Variants in NHS observed in about 807,000 individuals in gnomAD.
NHS encodes NHS actin remodeling regulator.
NHS carries 5 observed loss-of-function variants against 72.5 expected under a neutral mutation model. The observed-to-expected ratio is 0.07, with a 90% CI of 0.04 to 0.14. The LOEUF (loss-of-function observed/expected upper bound fraction) is 0.14. NHS is among the 10% of genes least tolerant of loss of function. The probability of loss-of-function intolerance (pLI) is 1.00; values close to 1 mark genes in which losing one functional copy is unlikely to be tolerated. For missense variants in NHS, 1,072 were observed against 1,355.7 expected (o/e 0.79, Z 3.29); for synonymous variants, 464 against 547.7 (o/e 0.85, Z 2.13).
intron 1 of NHS, among the ~76,000 whole-genome samples, chrX:17,492,067 T>A (rs2064994427): frequency 9.0e-6 from 1 of 111,209 alleles, no homozygotes; most frequent in Admixed American, 9.6e-5. Context: ...ATTTTGTTGA[T>A]CTTTTTAAAA....
intron 1 of NHS, among the ~76,000 whole-genome samples, chrX:17,603,882 A>G (rs16980654): frequency 0.036 from 3,960 of 110,462 alleles, 142 homozygotes; most frequent in African/African-American, 0.092. Context: ...GATTTCAATT[A>G]CCTCTCATAG....
At chrX:17,426,445 A>T (rs1171764668) in intron 1 of NHS, among the ~76,000 whole-genome samples, 1 of 111,961 alleles carries the variant, frequency 8.9e-6, no homozygotes, top group Non-Finnish European at 1.9e-5. Context: ...GGGTTGTGTG[A>T]CAGGAGATCA....
intron 1 of NHS, among the ~76,000 whole-genome samples, chrX:17,423,157 G>T (rs2064632660): frequency 8.9e-6 from 1 of 112,022 alleles, no homozygotes; most frequent in Non-Finnish European, 1.9e-5. Flanking sequence ...GCTGATGTTT[G>T]ATTAAGAGAA....
intron 1 of NHS, among the ~76,000 whole-genome samples, chrX:17,447,773 G>GCACA (rs1422661370): frequency 1.3e-5 from 1 of 77,994 alleles, no homozygotes; most frequent in Non-Finnish European, 2.4e-5. Context: ...ACACACACAC[G>GCACA]CACACACACA....
At chrX:17,721,285 T>C (rs2066404301) in intron 4 of NHS, among the ~76,000 whole-genome samples, 156 bp from the exon 5 acceptor site, 1 of 112,267 alleles carries the variant, frequency 8.9e-6, no homozygotes, top group African/African-American at 3.2e-5. Context: ...ATAATACTTG[T>C]AATTAGTTGT....
In NHS at chrX:17,660,346, C is replaced by T. The variant is rs141536440; in HGVS notation, c.566-27396C>T. ...TAAGAGGCAGTTGACTTGGTAGGGG[C>T]AGGCAAGGCCATCATAGTCACTTAA... On this transcript the variant is annotated intron_variant, in intron 1 of 8. Coordinates refer to ENST00000676302, the MANE Select transcript of NHS (RefSeq NM_001291867.2). Among the ~76,000 whole-genome samples, 1,772 of 112,612 alleles carry T rather than the reference C, an allele frequency of 0.016. 63 individuals are homozygous for T. The East Asian group carries it at 0.16, about 10-fold the overall frequency.
At chrX:17,525,929 A>C (rs1197395215) in intron 1 of NHS, among the ~76,000 whole-genome samples, 1 of 111,633 alleles carries the variant, frequency 9.0e-6, no homozygotes, top group Non-Finnish European at 1.9e-5. Flanking sequence ...GCTGTTTTTC[A>C]TAAAACTTAC....
chrX:17,503,071 C>T (rs775708276), intron 1 of NHS, among the ~76,000 whole-genome samples: 2 of 112,043 alleles, frequency 1.8e-5, no homozygotes, highest in South Asian at 3.8e-4. Flanking sequence ...CTTTCTAGAA[C>T]CTTAAGGCTG....
chrX:17,617,970 A>G (rs1452652520), intron 1 of NHS, among the ~76,000 whole-genome samples: 2 of 112,069 alleles, frequency 1.8e-5, no homozygotes, highest in African/African-American at 3.2e-5. Flanking sequence ...TACAGCTTCC[A>G]TCTGTTCCCT....
At chrX:17,594,048 G>A (rs1346149812) in intron 1 of NHS, among the ~76,000 whole-genome samples, 4 of 112,084 alleles carry the variant, frequency 3.6e-5, no homozygotes, top group African/African-American at 1.3e-4. Flanking sequence ...AGTACCTATT[G>A]TGTACCAGGT....
chrX:17,513,606 C>A (rs1384466901), intron 1 of NHS, among the ~76,000 whole-genome samples: 1 of 112,020 alleles, frequency 8.9e-6, no homozygotes, highest in Non-Finnish European at 1.9e-5. Context: ...GCTCAGGGAT[C>A]TACATTGTTT....
intron 3 of NHS, among the ~76,000 whole-genome samples, chrX:17,704,193 G>A (rs1468335895): frequency 2.7e-5 from 3 of 111,269 alleles, no homozygotes; most frequent in Non-Finnish European, 5.7e-5. Context: ...CAGGAGGATC[G>A]CTTGAGCCCA....
At chrX:17,491,753 GC>G (rs2064992452) in intron 1 of NHS, among the ~76,000 whole-genome samples, 2 of 97,385 alleles carry the variant, frequency 2.1e-5, no homozygotes, top group Non-Finnish European at 4.1e-5. Flanking sequence ...CTGGTCCTGG[GC>G]TTTTTTTTTT....
chrX:17,667,979 A>G (rs1218448217), intron 1 of NHS, among the ~76,000 whole-genome samples: 3 of 108,271 alleles, frequency 2.8e-5, no homozygotes, highest in Non-Finnish European at 5.7e-5. Context: ...AGGGCCAGGC[A>G]TGGTGGCTCA....
intron 1 of NHS, among the ~76,000 whole-genome samples, chrX:17,543,803 A>C (rs1256602750): frequency 9.0e-6 from 1 of 111,485 alleles, no homozygotes; most frequent in Non-Finnish European, 1.9e-5. Context: ...TCCCTTTTCC[A>C]TGCCCCCTCC....
At chrX:17,450,158 T>C (rs2064799303) in intron 1 of NHS, among the ~76,000 whole-genome samples, 1 of 111,822 alleles carries the variant, frequency 8.9e-6, no homozygotes, top group Admixed American at 9.5e-5. Context: ...CATTTCATGC[T>C]GGGACACTAC....
At chrX:17,687,204 A>C (rs2066167434) in intron 1 of NHS, 2 of 147,530 alleles carry the variant, frequency 1.4e-5, no homozygotes, top group Non-Finnish European at 2.7e-5. Context: ...CGGTAGGTGT[A>C]GGGCATGATA....
rs7472482 is a variant in NHS at position 17,427,943 on chromosome X, C to T, written c.565+51621C>T. 1.6e-3 allele frequency among the ~76,000 whole-genome samples: 184 copies of T among 111,984 alleles called. 4 individuals carry two copies. In the East Asian group the frequency reaches 0.041, roughly 25 times the overall value. On this transcript the variant is annotated intron_variant, in intron 1 of 8. Transcript: ENST00000676302. Reference sequence around the variant, plus strand: ...TGCACGGGTCAGCAACATCAGCATCCCCTGGCAGCTTGTTAGAAATGCAGA... The same window carrying T: ...TGCACGGGTCAGCAACATCAGCATCTCCTGGCAGCTTGTTAGAAATGCAGA...
chrX:17,487,644 A>G (rs2064972698), intron 1 of NHS, among the ~76,000 whole-genome samples: 1 of 111,633 alleles, frequency 9.0e-6, no homozygotes, highest in Admixed American at 9.5e-5. Context: ...CAGGCTCAGA[A>G]GGGCAAGACC....
Sources: gnomAD v4.1 joint callset for allele counts (sites outside exome capture counted in the v4.1 genomes callset) on GRCh38, gnomAD v4.1.1 for gene constraint, MANE v1.5 for transcripts, NCBI Gene and HGNC (gene_info 2026-07-23, HGNC 2026-07-21) for gene names.